Variants in HNRNPLL observed in about 807,000 individuals in gnomAD.
HNRNPLL encodes heterogeneous nuclear ribonucleoprotein L like.
HNRNPLL carries 25 observed loss-of-function variants against 67.1 expected under a neutral mutation model. That is an observed-to-expected ratio of 0.37 (90% CI 0.27 to 0.52). The LOEUF (loss-of-function observed/expected upper bound fraction) is 0.52, where lower values mean the gene tolerates loss of function less well. Ranked by LOEUF, HNRNPLL falls within the 20% of genes least tolerant of loss-of-function variation. The probability of loss-of-function intolerance (pLI) is 0.90; values close to 1 mark genes in which losing one functional copy is unlikely to be tolerated. For missense variants in HNRNPLL, 542 were observed against 673.9 expected, an observed-to-expected ratio of 0.80 and a Z score of 2.17; for synonymous variants, 267 against 241.7, an observed-to-expected ratio of 1.10 and a Z score of -0.97.
intron 7 of HNRNPLL, among the ~76,000 whole-genome samples, chr2:38,575,373 G>A (rs944580702): frequency 6.6e-6 from 1 of 151,768 alleles, no homozygotes; most frequent in Non-Finnish European, 1.5e-5. Flanking sequence ...TTAACATCTT[G>A]AAGGCATTTT....
chr2:38,566,068 C>A (rs1439192613), intron 12 of HNRNPLL: 1 of 987,702 alleles, frequency 1.0e-6, no homozygotes, highest in Non-Finnish European at 1.2e-6. Context: ...GTAAATTACA[C>A]AGCAAAAAGT....
chr2:38,575,857 C>T (rs1666282175), intron 7 of HNRNPLL, among the ~76,000 whole-genome samples: 1 of 151,712 alleles, frequency 6.6e-6, no homozygotes, highest in African/African-American at 2.4e-5. Flanking sequence ...CCCTATTACT[C>T]ATCTTACTTC....
At chr2:38,573,458 T>C (rs1363167764) in intron 7 of HNRNPLL, 31 bp from the exon 8 acceptor site, 1 of 1,408,312 alleles carries the variant, frequency 7.1e-7, no homozygotes, top group Admixed American at 1.8e-5. Context: ...AATAAATTAG[T>C]TAACATATAC....
intron 1 of HNRNPLL, among the ~76,000 whole-genome samples, chr2:38,596,984 C>A (rs1400037974): frequency 6.6e-6 from 1 of 152,174 alleles, no homozygotes; most frequent in African/African-American, 2.4e-5. Context: ...AAATTCTCAG[C>A]CCTTCAAAGG....
chr2:38,599,311 T>C (rs1558549778), intron 1 of HNRNPLL, among the ~76,000 whole-genome samples: 2 of 152,204 alleles, frequency 1.3e-5, no homozygotes. Context: ...AGAAAAACTT[T>C]AAAATCTCCA....
intron 7 of HNRNPLL, among the ~76,000 whole-genome samples, chr2:38,574,550 T>C (rs762925952): frequency 4.7e-5 from 7 of 148,372 alleles, no homozygotes; most frequent in Non-Finnish European, 7.4e-5. Flanking sequence ...ATCTATCTAC[T>C]AAGTGAGTTA....
At position 38,568,182 on chromosome 2, in the gene HNRNPLL, TA is replaced by T; in HGVS notation, c.1573+16del. On this transcript the variant is annotated intron_variant, in intron 12 of 12. Coordinates refer to ENST00000449105, the MANE Select transcript of HNRNPLL (RefSeq NM_138394.4). ...TGCCACTACATAATTACAACACAAA[TA>T]AAGCATTTTACTTACTCGGCACTCT... 4.0e-6 allele frequency: 6 copies of T among 1,510,706 alleles called. No individual in the cohort carries two copies. The East Asian group carries it at 6.8e-5, about 17-fold the overall frequency. 93.6% of individuals were successfully genotyped at this position (1,510,706 alleles called of 1,614,324 possible).
At chr2:38,587,484 T>G (rs1335370909) in intron 2 of HNRNPLL, among the ~76,000 whole-genome samples, 1 of 152,096 alleles carries the variant, frequency 6.6e-6, no homozygotes, top group Non-Finnish European at 1.5e-5. Context: ...CATTCAAAAT[T>G]AAAGAAGTAC....
intron 1 of HNRNPLL, among the ~76,000 whole-genome samples, chr2:38,598,468 T>G (rs928642728): frequency 6.6e-6 from 1 of 152,256 alleles, no homozygotes; most frequent in Admixed American, 6.5e-5. Context: ...GCTCCCTTTT[T>G]GTTTTCCTTA....
At chr2:38,570,550 G>C (rs1198439651) in intron 8 of HNRNPLL, among the ~76,000 whole-genome samples, 2 of 152,214 alleles carry the variant, frequency 1.3e-5, no homozygotes, top group Non-Finnish European at 2.9e-5. Flanking sequence ...TTTCAGGACA[G>C]TTTGGGCAGA....
At chr2:38,576,336 A>G (rs531546553) in intron 7 of HNRNPLL, among the ~76,000 whole-genome samples, 19 of 151,744 alleles carry the variant, frequency 1.3e-4, no homozygotes, top group Admixed American at 5.3e-4. Context: ...AAAACACCCA[A>G]TGTTTTTTAC....
intron 2 of HNRNPLL, among the ~76,000 whole-genome samples, chr2:38,588,575 C>A (rs1354309507): frequency 3.8e-5 from 5 of 131,220 alleles, no homozygotes; most frequent in African/African-American, 1.3e-4. Context: ...AAAGGGTGAG[C>A]TAAAAGCACA....
rs373454203 is a variant in HNRNPLL at position 38,573,246 on chromosome 2, G to T, written c.1056C>A (p.Val352=). 18 of 1,605,668 alleles carry T rather than the reference G, an allele frequency of 1.1e-5. No individual in the cohort carries two copies. In the African/African-American group the frequency reaches 2.4e-4, roughly 22 times the overall value. ...TTCCATATAAGCAGAACAGGTTGAAGACTCTTGAACAATTCATTTTTAGTT... is the reference window on the plus strand; with the variant it reads ...TTCCATATAAGCAGAACAGGTTGAATACTCTTGAACAATTCATTTTTAGTT... ...LHQLKMNCSR[V]FNLFCLYGNI... The change falls in exon 8 of 13, where the codon GTC becomes GTA. Residue 352 remains valine, a synonymous_variant. Transcript: ENST00000449105.
At chr2:38,591,694 G>A (rs1478503402) in intron 1 of HNRNPLL, 46 bp from the exon 2 acceptor site, 1 of 1,261,784 alleles carries the variant, frequency 7.9e-7, no homozygotes. Context: ...TTAAGTCTAA[G>A]GCCGAACGCG....
chr2:38,564,853 T>C (rs775464090), intron 12 of HNRNPLL, among the ~76,000 whole-genome samples: 1 of 151,854 alleles, frequency 6.6e-6, no homozygotes, highest in Non-Finnish European at 1.5e-5. Context: ...CAGTTAACTC[T>C]CTATAAAAGC....
intron 1 of HNRNPLL, among the ~76,000 whole-genome samples, chr2:38,599,428 T>G (rs1667333416): frequency 6.6e-6 from 1 of 152,196 alleles, no homozygotes; most frequent in African/African-American, 2.4e-5. Flanking sequence ...AAACTTAATA[T>G]GATCTTGAAG....
At position 38,581,817 on chromosome 2, in the gene HNRNPLL, T is replaced by A. The variant is rs543245034; in HGVS notation, c.802+96A>T. The A allele has an allele frequency of 6.2e-6, 5 of 807,362 alleles. No individual in the cohort carries two copies. In the Admixed American group the frequency reaches 8.6e-5, roughly 14 times the overall value. 50.0% of individuals were successfully genotyped at this position (807,362 alleles called of 1,614,324 possible). On this transcript the variant is annotated intron_variant, in intron 6 of 12. Coordinates refer to ENST00000449105, the MANE Select transcript of HNRNPLL (RefSeq NM_138394.4). ...AAGCATTCATCAACAAGGTTTTCAT[T>A]TGAATTAACTAGCTCATCTCAGGAA...
At chr2:38,601,406 T>C (rs1298614408) in intron 1 of HNRNPLL, among the ~76,000 whole-genome samples, 1 of 152,216 alleles carries the variant, frequency 6.6e-6, no homozygotes, top group Non-Finnish European at 1.5e-5. Context: ...GTAGGATATA[T>C]GTGTACAGTT....
In HNRNPLL at chr2:38,563,307, CA is replaced by C. The variant is rs1333436620; in HGVS notation, c.*874del. The C allele has an allele frequency of 6.6e-6, 1 of 151,760 alleles. No homozygotes were observed. Among genetic ancestry groups the C allele is most frequent in the East Asian group, 1.9e-4 (1 of 5,192 alleles). 9.4% of individuals were successfully genotyped at this position (151,760 alleles called of 1,614,324 possible). On this transcript the variant is annotated 3_prime_UTR_variant, in exon 13 of 13. Coordinates refer to ENST00000449105, the MANE Select transcript of HNRNPLL (RefSeq NM_138394.4). ...GAAAAATACATATTACTGATGGATCCAAGAGTTAAAAAATAAAAATGTAAAT... is the reference window on the plus strand; with the variant it reads ...GAAAAATACATATTACTGATGGATCCAGAGTTAAAAAATAAAAATGTAAAT...
Sources: allele counts gnomAD v4.1 joint callset (sites outside exome capture counted in the v4.1 genomes callset), GRCh38; gene constraint gnomAD v4.1.1; transcripts MANE v1.5; gene names NCBI Gene and HGNC (gene_info 2026-07-23, HGNC 2026-07-21).